The following PPP1R9A variants were observed in gnomAD, a reference collection of about 807,000 sequenced individuals.
PPP1R9A encodes neurabin-1.
Under a neutral mutation model 141.9 loss-of-function variants are expected in PPP1R9A, and 59 were observed. The observed-to-expected ratio is 0.42, with a 90% CI of 0.34 to 0.52. The LOEUF is 0.52. Among genes scored for constraint, PPP1R9A ranks in the 20% least tolerant of loss-of-function variants. The probability of loss-of-function intolerance (pLI) is 0.10; values close to 1 mark genes in which losing one functional copy is unlikely to be tolerated. For missense variants in PPP1R9A, 1,444 were observed against 1,611.9 expected (o/e 0.90, Z 1.78); for synonymous variants, 500 against 569.7 (o/e 0.88, Z 1.74).
chr7:95,013,242 C>T (rs551234024), intron 2 of PPP1R9A, among the ~76,000 whole-genome samples: 1 of 152,196 alleles, frequency 6.6e-6, no homozygotes, highest in Non-Finnish European at 1.5e-5. Context: ...ATGGGGCAGT[C>T]TCATTGTTTT....
chr7:95,119,920 A>G (rs188060414), intron 3 of PPP1R9A, among the ~76,000 whole-genome samples: 142 of 151,412 alleles, frequency 9.4e-4, no homozygotes, highest in Non-Finnish European at 1.5e-3. Context: ...TCTTGGGTAT[A>G]GAAGCACAGA....
At chr7:95,262,461 A>G (rs1272506767) in intron 12 of PPP1R9A, among the ~76,000 whole-genome samples, 1 of 152,196 alleles carries the variant, frequency 6.6e-6, no homozygotes, top group Admixed American at 6.6e-5. Context: ...TCTAGAATCA[A>G]GCAACTCTTA....
intron 12 of PPP1R9A, among the ~76,000 whole-genome samples, chr7:95,257,949 C>G (rs1799847137): frequency 6.6e-6 from 1 of 152,168 alleles, no homozygotes; most frequent in African/African-American, 2.4e-5. Context: ...CAAGTCTTTG[C>G]TATTGTGAAT....
intron 2 of PPP1R9A, among the ~76,000 whole-genome samples, chr7:94,947,572 A>G (rs889111465): frequency 6.6e-6 from 1 of 152,138 alleles, no homozygotes; most frequent in Non-Finnish European, 1.5e-5. Flanking sequence ...CTCTGGGGGC[A>G]GTTGCTACAT....
intron 2 of PPP1R9A, among the ~76,000 whole-genome samples, chr7:95,082,963 G>C (rs1816115392): frequency 6.6e-6 from 1 of 151,474 alleles, no homozygotes; most frequent in African/African-American, 2.4e-5. Context: ...CACCGTGTTA[G>C]CCAGGATGGT....
intron 2 of PPP1R9A, among the ~76,000 whole-genome samples, chr7:95,022,846 A>G (rs1024084677): frequency 3.3e-5 from 5 of 152,126 alleles, no homozygotes; most frequent in African/African-American, 1.2e-4. Context: ...ATCGTGGTGG[A>G]TAAGCTTTTT....
intron 2 of PPP1R9A, among the ~76,000 whole-genome samples, chr7:95,003,939 A>G (rs1296910340): frequency 6.6e-6 from 1 of 152,174 alleles, no homozygotes; most frequent in East Asian, 1.9e-4. Flanking sequence ...CTAAAAGATC[A>G]AGGTAGGGAG....
intron 2 of PPP1R9A, among the ~76,000 whole-genome samples, chr7:95,077,082 G>A (rs1019655173): frequency 1.3e-5 from 2 of 151,940 alleles, no homozygotes; most frequent in African/African-American, 4.8e-5. Context: ...AGCCACTTGT[G>A]TAAATATAGA....
intron 2 of PPP1R9A, among the ~76,000 whole-genome samples, chr7:95,097,109 C>T (rs754072852): frequency 3.3e-5 from 5 of 151,998 alleles, no homozygotes; most frequent in Admixed American, 1.3e-4. Context: ...TTACTGCAAC[C>T]GCCTCCCAGA....
chr7:95,162,302 A>T (rs1229248980), intron 5 of PPP1R9A, among the ~76,000 whole-genome samples: 4 of 152,226 alleles, frequency 2.6e-5, no homozygotes, highest in African/African-American at 9.6e-5. Context: ...GAAAACAGTT[A>T]TACAATACTT....
At position 95,283,213 on chromosome 7, in the gene PPP1R9A, C is replaced by CA. The variant is rs552052195; in HGVS notation, c.3297-798dup. ...AGATATGAAAGAACCTACATTAAGA[C>CA]AAAAAAATCTGTTTTCAAACTGCGT... On this transcript the variant is annotated intron_variant, in intron 16 of 19. Transcript: ENST00000433360. 7.0e-4 allele frequency among the ~76,000 whole-genome samples: 106 copies of CA among 152,172 alleles called. No homozygotes were observed. In the Middle Eastern group the frequency reaches 0.014, roughly 20 times the overall value.
rs1822425232 is a variant in PPP1R9A, at chr7:95,120,750, G to A, written c.1567G>A (p.Val523Ile). 1.2e-6 allele frequency: 2 copies of A among 1,613,974 alleles called. No individual in the cohort carries two copies. The highest frequency in any genetic ancestry group is 1.7e-6 in the Non-Finnish European group (2 of 1,179,874). ...GLGISIIGMG[V>I]GADAGLEKLG... The stretch of plus-strand genomic sequence containing the variant: ...TGGTATAAGTATTATTGGAATGGGT[G>A]TTGGAGCAGATGCTGGACTTGAAAA... Residue 523 changes from valine (V) to isoleucine (I), a missense_variant, in exon 4 of 20, where the codon GTT (valine) becomes ATT (isoleucine). Val to Ile is a conservative substitution (Grantham distance 29). This residue lies in a region of PPP1R9A where 488 missense variants were observed against 542.0 expected (regional missense o/e 0.90). Coordinates refer to ENST00000433360, the MANE Select transcript of PPP1R9A (RefSeq NM_001166160.2).
intron 2 of PPP1R9A, among the ~76,000 whole-genome samples, chr7:94,981,769 GGTTGTTACAA>G (rs1379753127): frequency 2.0e-5 from 3 of 151,946 alleles, no homozygotes; most frequent in African/African-American, 7.3e-5. Context: ...GCAAAATTGA[GGTTGTTACAA>G]GTTGCTGTGA....
At chr7:95,181,653 C>A (rs1207677084) in intron 5 of PPP1R9A, among the ~76,000 whole-genome samples, 2 of 124,070 alleles carry the variant, frequency 1.6e-5, no homozygotes, top group Non-Finnish European at 1.6e-5. Context: ...ATATATATTC[C>A]GTCACATATA....
At position 95,137,934 on chromosome 7, in the gene PPP1R9A, CT is replaced by C. The variant is rs1041692626; in HGVS notation, c.1649+17118del. Among the ~76,000 whole-genome samples the C allele has an allele frequency of 9.4e-3, 1,268 of 134,494 alleles. 19 individuals are homozygous for C. Among genetic ancestry groups the C allele is most frequent in the Admixed American group, 0.039 (517 of 13,260 alleles). The allele number at this position is 134,494 out of a possible 152,430, so 88.2% of individuals were successfully genotyped here. Reference sequence around the variant, plus strand: ...TATAGTCAGTTGACTTTCTTTTTTTCTTTTTTTTTTTTTTTTGAGACGGAGT... The same window carrying C: ...TATAGTCAGTTGACTTTCTTTTTTTCTTTTTTTTTTTTTTTGAGACGGAGT... On this transcript the variant is annotated intron_variant, in intron 4 of 19. Coordinates refer to ENST00000433360, the MANE Select transcript of PPP1R9A (RefSeq NM_001166160.2).
At chr7:95,288,271 TG>T (rs1344549065) in intron 18 of PPP1R9A, among the ~76,000 whole-genome samples, 1 of 152,222 alleles carries the variant, frequency 6.6e-6, no homozygotes, top group Non-Finnish European at 1.5e-5. Context: ...TGTAAAAGCT[TG>T]CAACATTAAT....
At chr7:95,255,555 T>C (rs1799458242) in intron 12 of PPP1R9A, among the ~76,000 whole-genome samples, 1 of 152,130 alleles carries the variant, frequency 6.6e-6, no homozygotes, top group Non-Finnish European at 1.5e-5. Context: ...CACTGACTTG[T>C]AAGAGAAAGT....
At chr7:95,164,641 T>C (rs1830918400) in intron 5 of PPP1R9A, among the ~76,000 whole-genome samples, 1 of 151,906 alleles carries the variant, frequency 6.6e-6, no homozygotes, top group Admixed American at 6.6e-5. Flanking sequence ...CTCTAGAATC[T>C]TATTTTCTCT....
intron 14 of PPP1R9A, among the ~76,000 whole-genome samples, 164 bp from the exon 15 acceptor site, chr7:95,273,735 C>T (rs1172633964): frequency 1.3e-5 from 2 of 152,196 alleles, no homozygotes; most frequent in African/African-American, 4.8e-5. Flanking sequence ...ACTGCGAGTT[C>T]CTCAATGTAA....
Sources: gnomAD v4.1 joint callset for allele counts (sites outside exome capture counted in the v4.1 genomes callset) on GRCh38, gnomAD v4.1.1 for gene constraint, gnomAD v4.1.1 regional missense constraint, MANE v1.5 for transcripts, NCBI Gene and HGNC (gene_info 2026-07-23, HGNC 2026-07-21) for gene names.